LNX1: variants seen among roughly 807,000 people sequenced by gnomAD.
LNX1 encodes the protein ligand of numb-protein X 1, also known as E3 ubiquitin-protein ligase LNX.
In LNX1, 54 loss-of-function variants were observed where a neutral mutation model predicts 68.4. That is an observed-to-expected ratio of 0.79 (90% CI 0.63 to 0.99). The LOEUF is 0.99. Ranked by LOEUF, LNX1 falls within the 50% of genes least tolerant of loss-of-function variation. The pLI is 0.00. For synonymous variants in LNX1, 336 were observed against 350.0 expected, an observed-to-expected ratio of 0.96 and a Z score of 0.45; for missense variants, 906 against 926.4, an observed-to-expected ratio of 0.98 and a Z score of 0.29.
At chr4:53,577,733 G>A (rs1320785597) in intron 1 of LNX1, among the ~76,000 whole-genome samples, 2 of 151,944 alleles carry the variant, frequency 1.3e-5, no homozygotes, top group East Asian at 3.9e-4. Flanking sequence ...TTTCCTTAAT[G>A]CATCATGTTC....
At chr4:53,612,034 A>C (rs1301293967) in intron 2 of LNX1, among the ~76,000 whole-genome samples, 1 of 152,204 alleles carries the variant, frequency 6.6e-6, no homozygotes, top group African/African-American at 2.4e-5. Context: ...ATGATTTGGC[A>C]AGAAAAACAA....
rs74714929 is a variant in LNX1 at position 53,605,406 on chromosome 4, G to A, written c.-215+11111C>T. Among the ~76,000 whole-genome samples, 1,250 of 152,184 alleles carry A rather than the reference G, an allele frequency of 8.2e-3. 14 individuals carry two copies. Among genetic ancestry groups the A allele is most frequent in the African/African-American group, 0.028 (1,182 of 41,514 alleles). On this transcript the variant is annotated intron_variant, in intron 2 of 3. Transcript: ENST00000504299. ...AATTAACGTATGCATCATCTTACAT[G>A]GTAACTACCTTGTGTATGCGTGTAT...
intron 1 of LNX1, among the ~76,000 whole-genome samples, chr4:53,626,994 G>A (rs562763088): frequency 1.6e-4 from 25 of 152,288 alleles, no homozygotes; most frequent in Non-Finnish European, 2.2e-4. Flanking sequence ...AAGATTGGCC[G>A]GGGATCCCAG....
Position 53,459,911 on chromosome 4 carries a change from A to AAGAG in LNX1, c.*992_*995dup, listed in dbSNP as rs766040347. 7 of 221,830 alleles carry AAGAG rather than the reference A, an allele frequency of 3.2e-5. No individual in the cohort carries two copies. Among genetic ancestry groups the AAGAG allele is most frequent in the East Asian group, 6.6e-5 (1 of 15,188 alleles). 13.7% of individuals were successfully genotyped at this position (221,830 alleles called of 1,614,324 possible). A position where few individuals can be genotyped will look rare whatever the true frequency, so the allele number is the denominator to read the frequency against. ...CTGTGACACTCTTGCTTAGTATATT[A>AAGAG]AGAGACTCATACATTTTTGATATCA... On this transcript the variant is annotated 3_prime_UTR_variant, in exon 11 of 11. Coordinates refer to ENST00000263925, the MANE Select transcript of LNX1 (RefSeq NM_001126328.3).
chr4:53,607,293 C>T (rs1412534483), intron 2 of LNX1, among the ~76,000 whole-genome samples: 2 of 152,138 alleles, frequency 1.3e-5, no homozygotes, highest in African/African-American at 4.8e-5. Flanking sequence ...GTACAAAAAT[C>T]ACTAGCATTT....
At chr4:53,500,407 T>G (rs777733110) in intron 4 of LNX1, 1 of 152,126 alleles carries the variant, frequency 6.6e-6, no homozygotes, top group African/African-American at 2.4e-5. Context: ...GATGCTTCTG[T>G]CTTCCGTAGG....
chr4:53,615,162 T>G (rs1258648708), intron 2 of LNX1, among the ~76,000 whole-genome samples: 1 of 152,026 alleles, frequency 6.6e-6, no homozygotes, highest in Admixed American at 6.6e-5. Flanking sequence ...TGTGGGAGAT[T>G]TAGTGTAATA....
intron 2 of LNX1, among the ~76,000 whole-genome samples, chr4:53,605,793 T>C (rs1237553803): frequency 6.6e-6 from 1 of 152,230 alleles, no homozygotes; most frequent in South Asian, 2.1e-4. Flanking sequence ...ATTGTACATA[T>C]GAACTATAAT....
chr4:53,645,008 A>G (rs1324732422), intron 1 of LNX1, among the ~76,000 whole-genome samples: 10 of 152,208 alleles, frequency 6.6e-5, no homozygotes, highest in Non-Finnish European at 1.5e-4. Flanking sequence ...TGCCAACAGC[A>G]GGAGAGTGAG....
intron 2 of LNX1, among the ~76,000 whole-genome samples, chr4:53,559,350 A>C (rs1186797601): frequency 6.6e-6 from 1 of 152,220 alleles, no homozygotes; most frequent in African/African-American, 2.4e-5. Context: ...TTGGAATTCT[A>C]TTCTCTGTAA....
chr4:53,494,317 C>A (rs1403505078), intron 6 of LNX1, among the ~76,000 whole-genome samples: 1 of 152,142 alleles, frequency 6.6e-6, no homozygotes, highest in Non-Finnish European at 1.5e-5. Flanking sequence ...TGAGGCCTCC[C>A]GAGCCATGTG....
chr4:53,590,144 G>C (rs1029580193), intron 1 of LNX1, among the ~76,000 whole-genome samples: 1 of 152,128 alleles, frequency 6.6e-6, no homozygotes. Flanking sequence ...GAACAATAGG[G>C]ACCTCCAAAC....
chr4:53,650,708 C>T (rs559794231), intron 1 of LNX1, among the ~76,000 whole-genome samples: 22 of 152,242 alleles, frequency 1.4e-4, no homozygotes, highest in Non-Finnish European at 2.6e-4. Context: ...TGTCCCCTTC[C>T]GTGTCCCCCC....
chr4:53,523,249 G>A (rs1560644537), intron 2 of LNX1: 1 of 152,186 alleles, frequency 6.6e-6, no homozygotes, highest in Non-Finnish European at 1.5e-5. Flanking sequence ...TTTGAATTGT[G>A]AAAATAATTA....
intron 4 of LNX1, among the ~76,000 whole-genome samples, chr4:53,506,416 T>C (rs1237688836): frequency 1.3e-5 from 2 of 149,594 alleles, no homozygotes; most frequent in Non-Finnish European, 3.0e-5. Flanking sequence ...TCCACTTATA[T>C]TGGGGAAAAC....
intron 2 of LNX1, among the ~76,000 whole-genome samples, chr4:53,509,104 G>T (rs530816734): frequency 1.3e-5 from 2 of 152,174 alleles, no homozygotes; most frequent in Non-Finnish European, 2.9e-5. Flanking sequence ...CTGCCACTCG[G>T]CAAGTCATTG....
At chr4:53,633,051 A>T (rs1734335199) in intron 1 of LNX1, among the ~76,000 whole-genome samples, 1 of 152,240 alleles carries the variant, frequency 6.6e-6, no homozygotes, top group Non-Finnish European at 1.5e-5. Context: ...TTGGGATCGG[A>T]AATGTCTGGG....
intron 1 of LNX1, among the ~76,000 whole-genome samples, chr4:53,650,136 C>T (rs535602744): frequency 2.4e-4 from 36 of 152,178 alleles, no homozygotes; most frequent in Non-Finnish European, 4.6e-4. Flanking sequence ...GCTGAGGACA[C>T]GTGCCCTGCC....
chr4:53,575,479 A>C (rs1346897178), intron 1 of LNX1: 2 of 982,246 alleles, frequency 2.0e-6, no homozygotes, highest in Non-Finnish European at 2.4e-6. Context: ...TTTGAGAGAG[A>C]CTTAAAGGAT....
Sources: allele counts gnomAD v4.1 joint callset (sites outside exome capture counted in the v4.1 genomes callset), GRCh38; gene constraint gnomAD v4.1.1; transcripts MANE v1.5; gene names NCBI Gene and HGNC (gene_info 2026-07-23, HGNC 2026-07-21).